The following CDH23 variants were observed in gnomAD, a reference collection of about 807,000 sequenced individuals.
The protein encoded by CDH23 is cadherin related 23.
Under a neutral mutation model 317.1 loss-of-function variants are expected in CDH23, and 189 were observed. The ratio of observed to expected loss-of-function variants is 0.60; its 90% CI spans 0.53 to 0.67. The LOEUF is 0.67. Among genes scored for constraint, CDH23 ranks in the 30% least tolerant of loss-of-function variants. CDH23 has a pLI of 0.00. For synonymous variants in CDH23, 1,839 were observed against 1,876.8 expected (o/e 0.98, Z 0.52); for missense variants, 4,401 against 4,592.4 (o/e 0.96, Z 1.20).
At chr10:71,466,778 AGT>A (rs1232336363) in intron 3 of CDH23, among the ~76,000 whole-genome samples, 1 of 151,966 alleles carries the variant, frequency 6.6e-6, no homozygotes, top group African/African-American at 2.4e-5. Context: ...TGTGTTTAAG[AGT>A]GTGTGACTTC....
At chr10:71,619,651 C>G (rs1188364890) in intron 11 of CDH23, among the ~76,000 whole-genome samples, 1 of 152,202 alleles carries the variant, frequency 6.6e-6, no homozygotes, top group Non-Finnish European at 1.5e-5. Flanking sequence ...TGAGAGGGGC[C>G]TAGGGCTGCA....
chr10:71,749,064 A>C (rs1839926737), intron 38 of CDH23: 1 of 152,390 alleles, frequency 6.6e-6, no homozygotes, highest in Non-Finnish European at 1.5e-5. Context: ...ACACAGCAGC[A>C]GCCAGGCCTG....
Position 71,751,892 on chromosome 10 carries a change from G to T in CDH23, c.4845+9971G>T. 6.5e-7 allele frequency: 1 copy of T among 1,542,848 alleles called. No individual in the cohort carries two copies. Among genetic ancestry groups the T allele is most frequent in the Non-Finnish European group, 8.8e-7 (1 of 1,142,026 alleles). On this transcript the variant is annotated intron_variant, in intron 38 of 69. Coordinates refer to ENST00000224721, the MANE Select transcript of CDH23 (RefSeq NM_022124.6). The surrounding 1 kb of genome is among the most constrained non-coding windows in gnomAD (Gnocchi z 4.9). ...ACAGAACCAGAATGGAAGGTCATCT[G>T]TGCTGTCCGGAGCGTGAACTCTGCC...
chr10:71,505,808 T>C (rs1006620211), intron 3 of CDH23, among the ~76,000 whole-genome samples: 3 of 152,254 alleles, frequency 2.0e-5, no homozygotes, highest in Non-Finnish European at 4.4e-5. Context: ...ACAGCCACCA[T>C]GGAGAACACT....
At chr10:71,498,267 C>T (rs1391417525) in intron 3 of CDH23, among the ~76,000 whole-genome samples, 1 of 152,324 alleles carries the variant, frequency 6.6e-6, no homozygotes, top group East Asian at 1.9e-4. Flanking sequence ...CTAAGGCTGC[C>T]TTGCTCCCAA....
At chr10:71,670,410 C>T (rs774823955) in intron 14 of CDH23, among the ~76,000 whole-genome samples, 49 of 152,206 alleles carry the variant, frequency 3.2e-4, no homozygotes, top group Admixed American at 5.9e-4. Context: ...CTCTCCTTCA[C>T]AGGGAGGAAA....
At chr10:71,693,968 C>T (rs1865278650) in intron 20 of CDH23, among the ~76,000 whole-genome samples, 179 bp from the exon 21 acceptor site, 1 of 152,160 alleles carries the variant, frequency 6.6e-6, no homozygotes, top group African/African-American at 2.4e-5. Flanking sequence ...AGGAGCTCTC[C>T]CGTCTCCCAC....
At chr10:71,502,629 C>G (rs1484801566) in intron 3 of CDH23, among the ~76,000 whole-genome samples, 1 of 152,126 alleles carries the variant, frequency 6.6e-6, no homozygotes, top group African/African-American at 2.4e-5. Context: ...TCTGGCAGGC[C>G]GGGCCCAGGG....
intron 1 of CDH23, among the ~76,000 whole-genome samples, chr10:71,439,482 C>T (rs1849770441): frequency 6.6e-6 from 1 of 152,094 alleles, no homozygotes; most frequent in African/African-American, 2.4e-5. Flanking sequence ...AAGGCAGCAG[C>T]CCCTGCCTCC....
intron 38 of CDH23, among the ~76,000 whole-genome samples, chr10:71,757,336 C>T (rs371882677): frequency 6.6e-6 from 1 of 152,162 alleles, no homozygotes; most frequent in African/African-American, 2.4e-5. Flanking sequence ...CTATGTGGAC[C>T]CTCTATCAGA....
intron 6 of CDH23, among the ~76,000 whole-genome samples, chr10:71,538,129 C>T (rs991671090): frequency 1.3e-5 from 2 of 152,340 alleles, no homozygotes; most frequent in South Asian, 2.1e-4. Context: ...CTGCATTGCT[C>T]CTGGCCCTAC....
chr10:71,547,830 G>A (rs545388530), intron 6 of CDH23, among the ~76,000 whole-genome samples: 1 of 152,358 alleles, frequency 6.6e-6, no homozygotes, highest in Admixed American at 6.5e-5. Context: ...GACTCCTGCA[G>A]AGGCATCAAG....
chr10:71,574,987 T>C (rs1233775705), intron 8 of CDH23, among the ~76,000 whole-genome samples: 2 of 147,014 alleles, frequency 1.4e-5, no homozygotes, highest in African/African-American at 5.0e-5. Flanking sequence ...TCTCAGCAAA[T>C]CCCTGAGCAC....
rs758382198 is a variant in CDH23, at chr10:71,778,268, A to T, written c.5147A>T (p.Gln1716Leu). ...ACCCTGATCGTCACTGCCACAGACC[A>T]GTGCCCCATCTTATCCCACCGCCTC... ...RYTLIVTATD[Q>L]CPILSHRLTS... The change falls in exon 40 of 70, where the codon CAG becomes CTG. Residue 1716 changes from glutamine to leucine, a missense_variant. Gln to Leu is a moderately radical substitution (Grantham distance 113, BLOSUM62 -2). This residue lies in a region of CDH23 where 3,068 missense variants were observed against 3,203.3 expected (regional missense o/e 0.96). Transcript: ENST00000224721. 58 of 1,613,886 alleles carry T rather than the reference A, an allele frequency of 3.6e-5. No homozygotes were observed. The highest frequency in any genetic ancestry group is 4.7e-5 in the Non-Finnish European group (56 of 1,179,884).
chr10:71,443,762 C>T (rs1414123290), intron 2 of CDH23, among the ~76,000 whole-genome samples: 2 of 152,260 alleles, frequency 1.3e-5, no homozygotes, highest in Non-Finnish European at 2.9e-5. Flanking sequence ...CTTACATTCC[C>T]GCTTCGCTGG....
At chr10:71,485,095 C>T (rs1030109344) in intron 3 of CDH23, among the ~76,000 whole-genome samples, 3 of 146,620 alleles carry the variant, frequency 2.0e-5, no homozygotes, top group South Asian at 2.2e-4. Flanking sequence ...GGTGCGATCT[C>T]GGCTTACGGC....
rs1276712047 is a variant in CDH23, at chr10:71,784,435, C to T, written c.5502+15C>T. The T allele has an allele frequency of 1.2e-6, 2 of 1,609,692 alleles. No individual in the cohort carries two copies. The highest frequency in any genetic ancestry group is 2.2e-5 in the South Asian group (2 of 90,610). On this transcript the variant is annotated intron_variant, in intron 42 of 69. Coordinates refer to ENST00000224721, the MANE Select transcript of CDH23 (RefSeq NM_022124.6). ...TCAGCTCCACAGTGAGTCTGGGGGC[C>T]CCACCCGCTGGCTTCACCTCGCTGC...
Position 71,713,000 on chromosome 10 carries a change from GC to G in CDH23, c.3369+192del, listed in dbSNP as rs1564749635. ...CCCTCTCCCATCCCAGGGAGTGTGG[GC>G]CCCCAGGTTGCAGAGCTGAGGATAG... On this transcript the variant is annotated intron_variant, in intron 28 of 69. Transcript: ENST00000224721. 3.9e-6 allele frequency: 3 copies of G among 776,744 alleles called. No homozygotes were observed. In the Admixed American group the frequency reaches 6.2e-5, roughly 16 times the overall value. The allele number at this position is 776,744 out of a possible 1,614,324, so 48.1% of individuals were successfully genotyped here.
chr10:71,755,196 G>C (rs773265210), intron 38 of CDH23: 19 of 745,680 alleles, frequency 2.5e-5, no homozygotes, highest in Non-Finnish European at 4.1e-5. Context: ...CCTTTCTCTC[G>C]GCCATTTCGC....
Sources: gnomAD v4.1 joint callset for allele counts (sites outside exome capture counted in the v4.1 genomes callset) on GRCh38, gnomAD v4.1.1 for gene constraint, gnomAD v4.1.1 regional missense constraint, Gnocchi (gnomAD v3.1) non-coding constraint, MANE v1.5 for transcripts, NCBI Gene and HGNC (gene_info 2026-07-23, HGNC 2026-07-21) for gene names.